The following HSD17B4 variants were observed in gnomAD, a reference collection of about 807,000 sequenced individuals.
HSD17B4 encodes the protein hydroxysteroid 17-beta dehydrogenase 4.
A neutral mutation model predicts 101.0 loss-of-function variants in HSD17B4; 70 were observed. That is an observed-to-expected ratio of 0.69 (90% CI 0.57 to 0.85). HSD17B4 has a LOEUF of 0.85. HSD17B4 is among the 40% of genes least tolerant of loss of function. The probability of loss-of-function intolerance (pLI) is 0.00; values close to 1 mark genes in which losing one functional copy is unlikely to be tolerated. For synonymous variants in HSD17B4, 347 were observed against 297.1 expected (o/e 1.17, Z -1.73); for missense variants, 984 against 892.4 (o/e 1.10, Z -1.31).
intron 22 of HSD17B4, among the ~76,000 whole-genome samples, chr5:119,532,353 C>G (rs756996637): frequency 1.7e-4 from 26 of 152,000 alleles, no homozygotes; most frequent in Non-Finnish European, 3.5e-4. Flanking sequence ...TGCAGTTTGT[C>G]TATTTCTAGC....
At chr5:119,475,551 A>G (rs2126689062) in intron 4 of HSD17B4, 155 bp from the exon 5 acceptor site, 2 of 609,710 alleles carry the variant, frequency 3.3e-6, no homozygotes, top group South Asian at 2.1e-5. Context: ...TTTTTTTGAT[A>G]TAGGTATAGA....
At chr5:119,524,841 A>G (rs999027251) in intron 17 of HSD17B4, among the ~76,000 whole-genome samples, 4 of 152,132 alleles carry the variant, frequency 2.6e-5, no homozygotes, top group Admixed American at 6.6e-5. Context: ...ACACCCCAGT[A>G]AGAAAGTTGG....
At chr5:119,527,601 C>T (rs967145740) in intron 20 of HSD17B4, among the ~76,000 whole-genome samples, 2 of 151,852 alleles carry the variant, frequency 1.3e-5, no homozygotes, top group African/African-American at 4.8e-5. Context: ...ACAGTGAAAA[C>T]ATGACAGAAA....
At chr5:119,470,015 G>A (rs1756199255) in intron 2 of HSD17B4, among the ~76,000 whole-genome samples, 1 of 152,146 alleles carries the variant, frequency 6.6e-6, no homozygotes, top group Admixed American at 6.5e-5. Flanking sequence ...AGGGTTGCTG[G>A]TGGTGTCAGT....
intron 2 of HSD17B4, chr5:119,456,808 T>G (rs1476182210): frequency 5.4e-6 from 1 of 185,104 alleles, no homozygotes; most frequent in Admixed American, 5.4e-5. Flanking sequence ...TTGACTTCAG[T>G]AAATTGTAGG....
chr5:119,489,094 C>A, intron 8 of HSD17B4, 98 bp from the exon 9 acceptor site: 1 of 823,228 alleles, frequency 1.2e-6, no homozygotes, highest in Non-Finnish European at 2.1e-6. Flanking sequence ...TAATTTTGTT[C>A]CTATTTTAAA....
intron 23 of HSD17B4, 107 bp downstream of exon 23, chr5:119,536,657 A>T: frequency 9.7e-7 from 1 of 1,028,410 alleles, no homozygotes; most frequent in Non-Finnish European, 1.5e-6. Context: ...CAGGTTTCTT[A>T]CAACTCTGAA....
chr5:119,498,880 AAAAC>A (rs970226046), intron 12 of HSD17B4, among the ~76,000 whole-genome samples: 66 of 152,310 alleles, frequency 4.3e-4, no homozygotes, highest in African/African-American at 1.5e-3. Flanking sequence ...ACTCCATCTC[AAAAC>A]AAACAAACAG....
intron 17 of HSD17B4, among the ~76,000 whole-genome samples, chr5:119,519,031 C>T (rs896136421): frequency 1.3e-5 from 2 of 152,076 alleles, no homozygotes; most frequent in African/African-American, 4.8e-5. Context: ...CCCAGCTACT[C>T]AGGAGGCTGA....
chr5:119,507,268 T>C (rs774730631), intron 15 of HSD17B4, among the ~76,000 whole-genome samples: 1 of 152,224 alleles, frequency 6.6e-6, no homozygotes, highest in Non-Finnish European at 1.5e-5. Context: ...TTTAATGTGT[T>C]AGCTATTTGG....
chr5:119,490,092 G>C (rs891854446), intron 9 of HSD17B4, among the ~76,000 whole-genome samples: 1 of 151,780 alleles, frequency 6.6e-6, no homozygotes, highest in South Asian at 2.1e-4. Context: ...TTGTAAACCT[G>C]GCTCAATTTA....
Position 119,529,942 on chromosome 5 carries a change from G to A in HSD17B4, c.1816G>A (p.Ala606Thr), listed in dbSNP as rs15228. The change falls in exon 21 of 24, where the codon GCA (alanine) becomes ACA (threonine). Residue 606 changes from alanine to threonine, a missense_variant. By Grantham distance (58) the Ala-to-Thr change is moderately conservative (BLOSUM62 0). Transcript: ENST00000510025. ...IVISNAYVDL[A>T]PTSGTSAKTP... is the part of the protein sequence containing the mutation. ...CATTTCAAATGCATATGTGGATCTT[G>A]CACCAACATCTGGTACTTCAGCTAA... The A allele has an allele frequency of 6.2e-7, 1 of 1,610,622 alleles. No homozygotes were observed. The highest frequency in any genetic ancestry group is 1.1e-5 in the South Asian group (1 of 90,996).
intron 21 of HSD17B4, chr5:119,530,196 A>G (rs1753946052): frequency 1.9e-6 from 1 of 519,792 alleles, no homozygotes; most frequent in African/African-American, 1.9e-5. Flanking sequence ...ATACTAGGAT[A>G]TCTTTCAAGA....
chr5:119,536,394 A>G (rs1003713951), intron 22 of HSD17B4, 29 bp from the exon 23 acceptor site: 3 of 1,606,976 alleles, frequency 1.9e-6, no homozygotes, highest in Non-Finnish European at 1.7e-6. Context: ...AGAAAAAGAT[A>G]CACATTGGTT....
chr5:119,469,148 C>G (rs1428106494), intron 2 of HSD17B4, among the ~76,000 whole-genome samples: 1 of 151,378 alleles, frequency 6.6e-6, no homozygotes, highest in Non-Finnish European at 1.5e-5. Flanking sequence ...CTTGTATTAT[C>G]TATCTATATT....
chr5:119,455,134 A>G (rs953055032), intron 1 of HSD17B4, among the ~76,000 whole-genome samples: 1 of 152,222 alleles, frequency 6.6e-6, no homozygotes, highest in African/African-American at 2.4e-5. Context: ...TCCACCCCTT[A>G]TTGCTAGCCA....
chr5:119,474,725 T>A (rs1315837404), intron 4 of HSD17B4, among the ~76,000 whole-genome samples: 1 of 152,162 alleles, frequency 6.6e-6, no homozygotes. Context: ...CTTTTTAAAA[T>A]AATTCAGTTA....
At chr5:119,500,136 A>G (rs1286048940) in intron 13 of HSD17B4, among the ~76,000 whole-genome samples, 1 of 152,130 alleles carries the variant, frequency 6.6e-6, no homozygotes, top group Admixed American at 6.6e-5. Context: ...ACAGACTGGT[A>G]CAAGCTTGTT....
At chr5:119,487,897 C>G (rs1169091783) in intron 8 of HSD17B4, among the ~76,000 whole-genome samples, 1 of 151,900 alleles carries the variant, frequency 6.6e-6, no homozygotes, top group Non-Finnish European at 1.5e-5. Context: ...TTTGTTTTTT[C>G]CTCGTGCATA....
Sources: gnomAD v4.1 joint callset for allele counts (sites outside exome capture counted in the v4.1 genomes callset) on GRCh38, gnomAD v4.1.1 for gene constraint, MANE v1.5 for transcripts, NCBI Gene and HGNC (gene_info 2026-07-23, HGNC 2026-07-21) for gene names.